Variants in WDSUB1 observed in about 807,000 individuals in gnomAD.
WDSUB1 encodes WD repeat, SAM and U-box domain-containing protein 1.
In WDSUB1, 49 loss-of-function variants were observed where a neutral mutation model predicts 53.9. That is an observed-to-expected ratio of 0.91 (90% confidence interval 0.72 to 1.15). The LOEUF (loss-of-function observed/expected upper bound fraction) is 1.15. Among genes scored for constraint, WDSUB1 ranks in the 50% most tolerant of loss-of-function variants. The pLI is 0.00. For missense variants in WDSUB1, 514 were observed against 562.0 expected, an observed-to-expected ratio of 0.91 and a Z score of 0.86; for synonymous variants, 194 against 200.6, an observed-to-expected ratio of 0.97 and a Z score of 0.28.
At position 159,238,606 on chromosome 2, in the gene WDSUB1, TATCA is replaced by T. The variant is rs751515391; in HGVS notation, c.1274-2420_1274-2417del. Among the ~76,000 whole-genome samples the T allele has an allele frequency of 2.5e-3, 388 of 152,362 alleles. 5 individuals are homozygous for T. Among genetic ancestry groups the T allele is most frequent in the East Asian group, 2.5e-3 (13 of 5,188 alleles). On this transcript the variant is annotated intron_variant, in intron 10 of 10. Transcript: ENST00000359774. ...TACCACTGATTTTAAATGCTATCTTTATCAATCACTAAATTTCCAAATGTACATG... is the reference window on the plus strand; with the variant it reads ...TACCACTGATTTTAAATGCTATCTTTATCACTAAATTTCCAAATGTACATG...
At chr2:159,273,627 C>G (rs1307564896) in intron 4 of WDSUB1, among the ~76,000 whole-genome samples, 1 of 152,034 alleles carries the variant, frequency 6.6e-6, no homozygotes, top group Non-Finnish European at 1.5e-5. Context: ...ACCATGTTGG[C>G]CAGGCTGGTA....
intron 10 of WDSUB1, among the ~76,000 whole-genome samples, chr2:159,243,704 G>A (rs1391829867): frequency 6.6e-6 from 1 of 152,128 alleles, no homozygotes; most frequent in Non-Finnish European, 1.5e-5. Flanking sequence ...ACTGCTGGTG[G>A]GCATAGAAAG....
chr2:159,269,873 A>AAAGCTTATCTCCC (rs1463915705), intron 5 of WDSUB1, among the ~76,000 whole-genome samples: 2 of 152,228 alleles, frequency 1.3e-5, no homozygotes, highest in Non-Finnish European at 2.9e-5. Flanking sequence ...ATAGAAGAAT[A>AAAGCTTATCTCCC]AAGCTTATCT....
intron 5 of WDSUB1, among the ~76,000 whole-genome samples, chr2:159,269,836 C>A (rs1265276935): frequency 6.6e-6 from 1 of 152,010 alleles, no homozygotes; most frequent in Admixed American, 6.5e-5. Flanking sequence ...AAAAAAATAA[C>A]AACAAAACTC....
chr2:159,274,560 C>T (rs2061502487), intron 4 of WDSUB1, among the ~76,000 whole-genome samples: 1 of 152,152 alleles, frequency 6.6e-6, no homozygotes, highest in South Asian at 2.1e-4. Context: ...GTATGCTGCA[C>T]AAAAGCCAAG....
intron 9 of WDSUB1, among the ~76,000 whole-genome samples, chr2:159,254,513 A>C (rs2061018985): frequency 6.6e-6 from 1 of 152,174 alleles, no homozygotes; most frequent in South Asian, 2.1e-4. Flanking sequence ...GTGAGGCATG[A>C]CCATGCCAGA....
At chr2:159,284,566 G>A (rs769346123) in intron 1 of WDSUB1, among the ~76,000 whole-genome samples, 5 of 152,104 alleles carry the variant, frequency 3.3e-5, no homozygotes, top group Non-Finnish European at 7.4e-5. Context: ...ATCATGGTTT[G>A]TCATCCTGTC....
chr2:159,277,073 T>G (rs2061556008), intron 3 of WDSUB1, among the ~76,000 whole-genome samples: 1 of 152,200 alleles, frequency 6.6e-6, no homozygotes, highest in South Asian at 2.1e-4. Flanking sequence ...ATATAAAATT[T>G]AACAAACGTG....
intron 10 of WDSUB1, among the ~76,000 whole-genome samples, chr2:159,245,852 A>C (rs1015896557): frequency 6.6e-6 from 1 of 152,202 alleles, no homozygotes; most frequent in Non-Finnish European, 1.5e-5. Context: ...TTAGGACTCA[A>C]AGTATGAAAG....
chr2:159,282,793 C>T lies in WDSUB1; in HGVS notation c.277G>A (p.Glu93Lys), dbSNP rs1251365421. The T allele has an allele frequency of 6.2e-7, 1 of 1,614,204 alleles. No individual in the cohort carries two copies. Among genetic ancestry groups the T allele is most frequent in the South Asian group, 1.1e-5 (1 of 91,078 alleles). ...CTCACAGGGCTGCCACTAGGCTGTTCCATCACTGCCAGCATCTGTCCATTT... is the reference window on the plus strand; with the variant it reads ...CTCACAGGGCTGCCACTAGGCTGTTTCATCACTGCCAGCATCTGTCCATTT... ...TENGQMLAVM[E>K]QPSGSPVRVC... The change falls in exon 2 of 11, where the codon GAA (glutamate) becomes AAA (lysine). Residue 93 changes from glutamate (E) to lysine (K), a missense_variant. Coordinates refer to ENST00000359774, the MANE Select transcript of WDSUB1 (RefSeq NM_001128212.3).
intron 9 of WDSUB1, among the ~76,000 whole-genome samples, chr2:159,255,629 C>T (rs1397666518): frequency 1.3e-5 from 2 of 152,080 alleles, no homozygotes; most frequent in Non-Finnish European, 2.9e-5. Flanking sequence ...AATAGGCTCA[C>T]GTACTATGTT....
intron 5 of WDSUB1, among the ~76,000 whole-genome samples, chr2:159,265,097 A>AC (rs1305264494): frequency 1.4e-5 from 2 of 146,928 alleles, no homozygotes; most frequent in South Asian, 2.1e-4. Flanking sequence ...AAAAAAAAAA[A>AC]AATAAAACAA....
intron 5 of WDSUB1, among the ~76,000 whole-genome samples, chr2:159,265,823 G>A (rs962759545): frequency 2.0e-5 from 3 of 152,192 alleles, no homozygotes; most frequent in Non-Finnish European, 2.9e-5. Flanking sequence ...TAAGGGGCTG[G>A]AGCAAAGTTA....
At chr2:159,243,553 A>C (rs1156820232) in intron 10 of WDSUB1, among the ~76,000 whole-genome samples, 2 of 148,348 alleles carry the variant, frequency 1.3e-5, no homozygotes, top group African/African-American at 5.2e-5. Flanking sequence ...TGCACAAGGT[A>C]TATGTCTCTA....
At chr2:159,244,957 TA>T (rs1436651078) in intron 10 of WDSUB1, among the ~76,000 whole-genome samples, 1 of 152,162 alleles carries the variant, frequency 6.6e-6, no homozygotes, top group East Asian at 1.9e-4. Context: ...AACATTTTTT[TA>T]AAATAAGCTA....
In WDSUB1 at chr2:159,248,365, C is replaced by T. The variant is rs74901861; in HGVS notation, c.1273+7G>A. 6.2e-7 allele frequency: 1 copy of T among 1,611,314 alleles called. No individual in the cohort carries two copies. Among genetic ancestry groups the T allele is most frequent in the East Asian group, 2.2e-5 (1 of 44,664 alleles). On this transcript the variant is annotated splice_region_variant and intron_variant, in intron 10 of 10. Transcript: ENST00000359774. ...TCCCCTGCAACTTAGTATAGCATCA[C>T]ACATACCTGATGCGATGACCGGATC...
chr2:159,247,918 T>A lies in WDSUB1; in HGVS notation c.1273+454A>T, dbSNP rs1309844926. Among the ~76,000 whole-genome samples the A allele has an allele frequency of 6.5e-4, 50 of 77,466 alleles. 2 individuals carry two copies. The highest frequency in any genetic ancestry group is 4.1e-3 in the South Asian group (9 of 2,188). The allele number at this position is 77,466 out of a possible 152,430, so 50.8% of individuals were successfully genotyped here. On this transcript the variant is annotated intron_variant, in intron 10 of 10. Transcript: ENST00000359774. ...ATATATATATATATATAAATATATA[T>A]ATATATATAAATATATATATATATA... is the stretch of plus-strand genomic sequence containing the variant.
At chr2:159,264,419 G>A (rs540501161) in intron 5 of WDSUB1, among the ~76,000 whole-genome samples, 1 of 152,282 alleles carries the variant, frequency 6.6e-6, no homozygotes, top group Admixed American at 6.5e-5. Context: ...GCAAGAGGGG[G>A]CTGTTCATGA....
chr2:159,276,712 T>A (rs2061548973), intron 3 of WDSUB1, among the ~76,000 whole-genome samples: 1 of 152,240 alleles, frequency 6.6e-6, no homozygotes, highest in East Asian at 1.9e-4. Flanking sequence ...GGCACTCATA[T>A]GCAGTAAAGC....
Sources: gnomAD v4.1 joint callset for allele counts (sites outside exome capture counted in the v4.1 genomes callset) on GRCh38, gnomAD v4.1.1 for gene constraint, MANE v1.5 for transcripts, NCBI Gene and HGNC (gene_info 2026-07-23, HGNC 2026-07-21) for gene names.